The following HTT-AS variants were observed in gnomAD, a reference collection of about 807,000 sequenced individuals.
The protein encoded by HTT-AS is HTT antisense RNA (head to head).
chr4:3,047,661 GA>G (rs1377215216), downstream of HTT-AS, among the ~76,000 whole-genome samples: 1 of 152,190 alleles, frequency 6.6e-6, no homozygotes, highest in Non-Finnish European at 1.5e-5. Context: ...GGCCAGGGGA[GA>G]GGGGCGGAGG....
At chr4:3,068,284 T>C (rs190712051) in intron 1 of HTT-AS, among the ~76,000 whole-genome samples, 7,811 of 118,514 alleles carry the variant, frequency 0.066, 394 homozygotes, top group African/African-American at 0.16. Context: ...CCAGCCTGGG[T>C]GACAGAGCAA....
intron 2 of HTT-AS, among the ~76,000 whole-genome samples, chr4:3,057,966 T>C (rs899992644): frequency 6.6e-6 from 1 of 151,974 alleles, no homozygotes; most frequent in Admixed American, 6.6e-5. Context: ...GGATTATTCA[T>C]GAGTTTTCCG....
chr4:3,069,312 ATTTT>A (rs566283289), intron 1 of HTT-AS, among the ~76,000 whole-genome samples: 1 of 143,776 alleles, frequency 7.0e-6, no homozygotes, highest in Non-Finnish European at 1.5e-5. Context: ...CACCTGGCTA[ATTTT>A]TTTTTTTTTT....
chr4:3,068,305 CAAAAAAAAAAAAAA>C (rs759119862), intron 1 of HTT-AS, among the ~76,000 whole-genome samples: 10 of 13,076 alleles, frequency 7.6e-4, no homozygotes, highest in African/African-American at 1.6e-3. Flanking sequence ...GACTCTGTCT[CAAAAAAAAAAAAAA>C]AAAAAAAAAA....
At chr4:3,055,561 G>T (rs778425455) in intron 2 of HTT-AS, among the ~76,000 whole-genome samples, 2 of 152,148 alleles carry the variant, frequency 1.3e-5, no homozygotes, top group Non-Finnish European at 2.9e-5. Context: ...GTGCACTGTT[G>T]TTCATTCAGA....
intron 2 of HTT-AS, among the ~76,000 whole-genome samples, chr4:3,062,332 G>T (rs549152875): frequency 4.7e-4 from 72 of 152,222 alleles, no homozygotes; most frequent in African/African-American, 1.7e-3. Flanking sequence ...GCCCGGCCTA[G>T]TCTACATTTT....
intron 1 of HTT-AS, among the ~76,000 whole-genome samples, chr4:3,067,196 G>C (rs1728077737): frequency 6.6e-6 from 1 of 152,216 alleles, no homozygotes; most frequent in African/African-American, 2.4e-5. Context: ...AAGGCACTGA[G>C]AGGCCAAGGA....
chr4:3,074,105 T>C lies in HTT-AS; in HGVS notation n.113+321A>G, dbSNP rs1712305868. On this transcript the variant is annotated intron_variant and non_coding_transcript_variant, in intron 1 of 2. Coordinates refer to ENST00000664062, the Ensembl canonical transcript of HTT-AS. ...CCCCTCCCTCGCCCCACCTCTCACC[T>C]TCCTGCCCCGCCCCCAGCCTCCCCA... Among the ~76,000 whole-genome samples, 2 of 91,940 alleles carry C rather than the reference T, an allele frequency of 2.2e-5. 1 individual carries two copies. Among genetic ancestry groups the C allele is most frequent in the African/African-American group, 8.4e-5 (2 of 23,866 alleles). 60.3% of individuals were successfully genotyped at this position (91,940 alleles called of 152,430 possible). A position where few individuals can be genotyped will look rare whatever the true frequency, so the allele number is the denominator to read the frequency against.
intron 2 of HTT-AS, among the ~76,000 whole-genome samples, chr4:3,058,404 G>A (rs139743565): frequency 9.8e-4 from 149 of 152,204 alleles, no homozygotes; most frequent in African/African-American, 3.6e-3. Context: ...CATGGGGCTG[G>A]TGGGAGTGCC....
chr4:3,050,404 CCAGT>C (rs1249140078), intron 2 of HTT-AS, among the ~76,000 whole-genome samples: 3 of 152,128 alleles, frequency 2.0e-5, no homozygotes, highest in African/African-American at 7.2e-5. Flanking sequence ...GTTCTATAAG[CCAGT>C]CAGTCTTTTC....
At chr4:3,065,056 T>C (rs1401302059) in intron 1 of HTT-AS, among the ~76,000 whole-genome samples, 1 of 152,178 alleles carries the variant, frequency 6.6e-6, no homozygotes, top group Non-Finnish European at 1.5e-5. Flanking sequence ...TTTTCATAGA[T>C]GCTGTAAAGG....
intron 1 of HTT-AS, among the ~76,000 whole-genome samples, chr4:3,073,907 G>A (rs975281121): frequency 2.6e-5 from 4 of 152,188 alleles, no homozygotes; most frequent in Non-Finnish European, 1.5e-5. Flanking sequence ...AAACCCCAAG[G>A]CCACCTCGGC....
downstream of HTT-AS, among the ~76,000 whole-genome samples, chr4:3,047,161 A>G (rs1430411205): frequency 6.6e-6 from 1 of 152,204 alleles, no homozygotes; most frequent in African/African-American, 2.4e-5. Context: ...AATACAAAAA[A>G]TTAGCCGGGC....
chr4:3,065,604 T>C (rs61791255), intron 1 of HTT-AS, among the ~76,000 whole-genome samples: 10,128 of 152,182 alleles, frequency 0.067, 426 homozygotes, highest in African/African-American at 0.12. Flanking sequence ...GTTGAAAATA[T>C]AAGTAAAAAA....
intron 1 of HTT-AS, among the ~76,000 whole-genome samples, chr4:3,073,241 G>A (rs758880662): frequency 1.3e-5 from 2 of 152,210 alleles, no homozygotes; most frequent in Non-Finnish European, 2.9e-5. Context: ...GGCTTTACTG[G>A]GCTCCTCTCT....
intron 1 of HTT-AS, among the ~76,000 whole-genome samples, chr4:3,074,146 T>G (rs1422651166): frequency 9.1e-6 from 1 of 109,530 alleles, no homozygotes; most frequent in Non-Finnish European, 1.9e-5. Context: ...CACCGGCCAG[T>G]CCCCTCCCCT....
intron 2 of HTT-AS, among the ~76,000 whole-genome samples, chr4:3,062,165 G>A (rs1711939758): frequency 6.6e-6 from 1 of 151,838 alleles, no homozygotes; most frequent in African/African-American, 2.4e-5. Context: ...AAGTAGCTGG[G>A]ACCACAAGTG....
At chr4:3,048,063 G>A (rs953773583), downstream of HTT-AS, among the ~76,000 whole-genome samples, 4 of 152,040 alleles carry the variant, frequency 2.6e-5, no homozygotes, top group African/African-American at 9.7e-5. Flanking sequence ...GGGCAGCCAG[G>A]CATTCGGGGC....
At chr4:3,074,466 G>T in exon 1 of HTT-AS, 1 of 220,196 alleles carries the variant, frequency 4.5e-6, no homozygotes, top group Non-Finnish European at 8.7e-6. Flanking sequence ...TCTCCGTTGA[G>T]CCCCGCGCCT....
Sources: allele counts gnomAD v4.1 joint callset (sites outside exome capture counted in the v4.1 genomes callset), GRCh38; gene constraint gnomAD v4.1.1; transcripts MANE v1.5; gene names NCBI Gene and HGNC (gene_info 2026-07-23, HGNC 2026-07-21).